TYR: variants seen among roughly 807,000 people sequenced by gnomAD.
TYR encodes the protein tyrosinase, also known as LB24-AB.
Under a neutral mutation model 51.5 loss-of-function variants are expected in TYR, and 58 were observed. That is an observed-to-expected ratio of 1.13 (90% CI 0.91 to 1.40). The LOEUF is 1.40. Among genes scored for constraint, TYR ranks in the 40% most tolerant of loss-of-function variants. The pLI, the probability that TYR is intolerant of heterozygous loss-of-function variation, is 0.00. For missense variants in TYR, 732 were observed against 647.4 expected (o/e 1.13, Z -1.42); for synonymous variants, 263 against 235.2 (o/e 1.12, Z -1.08).
chr11:89,196,330 A>G (rs972467452), intron 2 of TYR, among the ~76,000 whole-genome samples: 2 of 152,168 alleles, frequency 1.3e-5, no homozygotes, highest in African/African-American at 4.8e-5. Flanking sequence ...ACCAAAAATA[A>G]ATAATGTTTC....
chr11:89,287,314 C>A (rs1419184548), intron 4 of TYR, among the ~76,000 whole-genome samples: 2 of 151,772 alleles, frequency 1.3e-5, no homozygotes, highest in Non-Finnish European at 2.9e-5. Context: ...AAATGCCACA[C>A]CTCTTAATAC....
chr11:89,193,708 G>A (rs930358568), intron 2 of TYR, among the ~76,000 whole-genome samples: 1 of 152,098 alleles, frequency 6.6e-6, no homozygotes, highest in Non-Finnish European at 1.5e-5. Flanking sequence ...AAGCTCAGCT[G>A]CTAAGAAGAA....
At chr11:89,191,965 A>G in intron 2 of TYR, 2 of 432,030 alleles carry the variant, frequency 4.6e-6, no homozygotes. Context: ...GACTGATACT[A>G]TTTTCCTACG....
chr11:89,201,900 G>T (rs16912983), intron 2 of TYR, among the ~76,000 whole-genome samples: 3,082 of 152,154 alleles, frequency 0.02, 117 homozygotes, highest in African/African-American at 0.071. Context: ...ATACAATTCT[G>T]CATTTTCAGG....
chr11:89,274,220 T>C (rs1020304830), intron 3 of TYR, among the ~76,000 whole-genome samples: 25 of 151,988 alleles, frequency 1.6e-4, no homozygotes, highest in Non-Finnish European at 3.1e-4. Flanking sequence ...TCTCTTTTTA[T>C]ATTTTAAAAT....
chr11:89,272,099 G>A lies in TYR; in HGVS notation c.1185-12674G>A, dbSNP rs183139540. Among the ~76,000 whole-genome samples, 1,423 of 151,844 alleles carry A rather than the reference G, an allele frequency of 9.4e-3. 13 individuals are homozygous for A. Among genetic ancestry groups the A allele is most frequent in the South Asian group, 0.016 (77 of 4,822 alleles). ...CACACTCTATGAATGTTGATATTTT[G>A]GCCACCTCCCATGAAAATTAATGTT... is the stretch of plus-strand genomic sequence containing the variant. On this transcript the variant is annotated intron_variant, in intron 3 of 4. Coordinates refer to ENST00000263321, the MANE Select transcript of TYR (RefSeq NM_000372.5).
intron 1 of TYR, among the ~76,000 whole-genome samples, chr11:89,189,319 A>G (rs1317050195): frequency 6.6e-6 from 1 of 152,068 alleles, no homozygotes; most frequent in Non-Finnish European, 1.5e-5. Context: ...AGTTTTGCTT[A>G]TAGAAAGGTG....
chr11:89,292,041 T>A (rs1233980352), intron 4 of TYR, among the ~76,000 whole-genome samples: 1 of 151,822 alleles, frequency 6.6e-6, no homozygotes, highest in Non-Finnish European at 1.5e-5. Flanking sequence ...AATTAAGACT[T>A]TTTTTTTCAT....
At chr11:89,245,972 C>G (rs1271718842) in intron 3 of TYR, among the ~76,000 whole-genome samples, 1 of 151,288 alleles carries the variant, frequency 6.6e-6, no homozygotes, top group African/African-American at 2.4e-5. Flanking sequence ...TGAAGAGGAA[C>G]AAACAGTGGG....
At chr11:89,227,796 T>A (rs1287928698) in intron 2 of TYR, 27 bp from the exon 3 acceptor site, 4 of 1,603,186 alleles carry the variant, frequency 2.5e-6, no homozygotes, top group Admixed American at 3.3e-5. Flanking sequence ...AGTAAACATA[T>A]TTTTTTCATT....
intron 3 of TYR, among the ~76,000 whole-genome samples, chr11:89,238,989 T>A (rs1205977668): frequency 6.6e-6 from 1 of 152,176 alleles, no homozygotes; most frequent in African/African-American, 2.4e-5. Context: ...TGTTTTAGTA[T>A]TCTTTGAAGA....
intron 3 of TYR, among the ~76,000 whole-genome samples, chr11:89,278,434 AT>A (rs1350788035): frequency 1.3e-5 from 2 of 151,664 alleles, no homozygotes; most frequent in South Asian, 2.1e-4. Context: ...ATATTCATTC[AT>A]TTTTTAAATA....
At chr11:89,231,015 A>G (rs1944039736) in intron 3 of TYR, among the ~76,000 whole-genome samples, 1 of 151,634 alleles carries the variant, frequency 6.6e-6, no homozygotes, top group Admixed American at 6.6e-5. Context: ...TACTAAAAAT[A>G]GAAAAATTAG....
At chr11:89,214,482 C>T (rs1055676158) in intron 2 of TYR, among the ~76,000 whole-genome samples, 4 of 152,114 alleles carry the variant, frequency 2.6e-5, no homozygotes, top group African/African-American at 9.7e-5. Flanking sequence ...GACGATTCCT[C>T]AAGGATCTAG....
At chr11:89,190,319 A>T (rs1230542193) in intron 1 of TYR, among the ~76,000 whole-genome samples, 2 of 152,134 alleles carry the variant, frequency 1.3e-5, no homozygotes, top group Admixed American at 1.3e-4. Flanking sequence ...AAGATTTTCC[A>T]GTGGGACAAG....
At chr11:89,189,243 T>G (rs1164174988) in intron 1 of TYR, among the ~76,000 whole-genome samples, 7 of 152,148 alleles carry the variant, frequency 4.6e-5, no homozygotes, top group Non-Finnish European at 1.0e-4. Context: ...TTTTCCTTAT[T>G]TGTGAAGCGA....
At chr11:89,245,376 C>T (rs1159335015) in intron 3 of TYR, among the ~76,000 whole-genome samples, 1 of 151,998 alleles carries the variant, frequency 6.6e-6, no homozygotes, top group Non-Finnish European at 1.5e-5. Context: ...GTTAAGTAAC[C>T]AGTACTAAAT....
intron 1 of TYR, among the ~76,000 whole-genome samples, chr11:89,188,616 G>A (rs1207763816): frequency 6.6e-6 from 1 of 152,050 alleles, no homozygotes; most frequent in Non-Finnish European, 1.5e-5. Context: ...ATATTGAGAA[G>A]GGTTACACAC....
chr11:89,254,787 T>C (rs1944370078), intron 3 of TYR, among the ~76,000 whole-genome samples: 1 of 151,862 alleles, frequency 6.6e-6, no homozygotes, highest in South Asian at 2.1e-4. Flanking sequence ...TTTTGTTTCA[T>C]TTATCTTTTG....
Sources: gnomAD v4.1 joint callset for allele counts (sites outside exome capture counted in the v4.1 genomes callset) on GRCh38, gnomAD v4.1.1 for gene constraint, MANE v1.5 for transcripts, NCBI Gene and HGNC (gene_info 2026-07-23, HGNC 2026-07-21) for gene names.